PTK2B: variants seen among roughly 807,000 people sequenced by gnomAD.
The protein encoded by PTK2B is protein tyrosine kinase 2 beta, also known as protein-tyrosine kinase 2-beta.
PTK2B carries 71 observed loss-of-function variants against 142.9 expected under a neutral mutation model. The ratio of observed to expected loss-of-function variants is 0.50; its 90% CI spans 0.41 to 0.61. The LOEUF (loss-of-function observed/expected upper bound fraction) is 0.61, where lower values mean the gene tolerates loss of function less well. Among genes scored for constraint, PTK2B ranks in the 20% least tolerant of loss-of-function variants. The probability of loss-of-function intolerance (pLI) is 0.00; values close to 1 mark genes in which losing one functional copy is unlikely to be tolerated. For missense variants in PTK2B, 1,105 were observed against 1,320.4 expected (o/e 0.84, Z 2.53); for synonymous variants, 519 against 503.4 (o/e 1.03, Z -0.42).
At chr8:27,337,385 G>T (rs979748549) in intron 1 of PTK2B, among the ~76,000 whole-genome samples, 13 of 152,074 alleles carry the variant, frequency 8.5e-5, no homozygotes, top group Non-Finnish European at 1.5e-4. Flanking sequence ...ATCCACCCGC[G>T]TTGGCCTCCT....
At chr8:27,314,262 C>A (rs918795492) in intron 3 of PTK2B, among the ~76,000 whole-genome samples, 2 of 152,216 alleles carry the variant, frequency 1.3e-5, no homozygotes, top group Non-Finnish European at 2.9e-5. Context: ...TGAAGGCTCC[C>A]ATGTCACATA....
At chr8:27,356,488 A>C (rs1453954454) in intron 1 of PTK2B, among the ~76,000 whole-genome samples, 3 of 152,186 alleles carry the variant, frequency 2.0e-5, no homozygotes, top group African/African-American at 7.2e-5. Context: ...TGCAGTATAG[A>C]TCCTCACTGC....
rs749659594 is a variant in PTK2B, at chr8:27,431,311, G to A, written c.811-87G>A. On this transcript the variant is annotated intron_variant, in intron 8 of 30. Transcript: ENST00000346049. ...CTGGAGACCCAGGAAACAGTGGCTTGTGTCTAGCTTAGGGAGCTTTTCTTC... is the reference window on the plus strand; with the variant it reads ...CTGGAGACCCAGGAAACAGTGGCTTATGTCTAGCTTAGGGAGCTTTTCTTC... 8 of 1,592,094 alleles carry A rather than the reference G, an allele frequency of 5.0e-6. No homozygotes were observed. In the Admixed American group the frequency reaches 1.4e-4, roughly 29 times the overall value.
chr8:27,412,178 T>G (rs2131667803), intron 2 of PTK2B, among the ~76,000 whole-genome samples: 1 of 152,148 alleles, frequency 6.6e-6, no homozygotes, highest in African/African-American at 2.4e-5. Context: ...GATTGATTGA[T>G]TGATGGAATC....
upstream of PTK2B, chr8:27,322,319 A>G (rs1304910232): frequency 6.6e-6 from 1 of 152,208 alleles, no homozygotes; most frequent in Non-Finnish European, 1.5e-5. Flanking sequence ...CCTGCCAATG[A>G]TGGGTTTTGC....
At chr8:27,341,541 C>T (rs1278998612) in intron 1 of PTK2B, among the ~76,000 whole-genome samples, 1 of 152,130 alleles carries the variant, frequency 6.6e-6, no homozygotes, top group Non-Finnish European at 1.5e-5. Context: ...CAGGATGCGG[C>T]CACTTCAGTG....
chr8:27,458,376 C>G lies in PTK2B; in HGVS notation c.2897C>G (p.Thr966Ser), dbSNP rs745699871. 1.9e-6 allele frequency: 3 copies of G among 1,613,634 alleles called. No individual in the cohort carries two copies. The highest frequency in any genetic ancestry group is 2.5e-6 in the Non-Finnish European group (3 of 1,179,868). The change falls in exon 31 of 31, where the codon ACC becomes AGC. Residue 966 changes from threonine to serine, a missense_variant. Thr to Ser is a moderately conservative substitution (Grantham distance 58). Coordinates refer to ENST00000346049, the MANE Select transcript of PTK2B (RefSeq NM_173176.3). ...CGGCTGGCACAGCAGAACGCCGTGA[C>G]CTCCCTAAGTGAGGAGTGCAAGAGG... ...KMRLAQQNAVTSLSEECKRQM... is the reference protein window; with the variant it reads ...KMRLAQQNAVSSLSEECKRQM...
chr8:27,457,758 T>G (rs1332357082), intron 30 of PTK2B, among the ~76,000 whole-genome samples: 1 of 152,162 alleles, frequency 6.6e-6, no homozygotes, highest in Non-Finnish European at 1.5e-5. Flanking sequence ...GAGGATCACC[T>G]GAGGTCAGGA....
chr8:27,353,490 C>A (rs976443618), intron 1 of PTK2B, among the ~76,000 whole-genome samples: 6 of 152,346 alleles, frequency 3.9e-5, no homozygotes, highest in Middle Eastern at 3.4e-3. Context: ...TATGCCCTCA[C>A]ACGCTGATCT....
Position 27,458,762 on chromosome 8 carries a change from C to T in PTK2B, c.*253C>T. 1.8e-6 allele frequency: 1 copy of T among 555,396 alleles called. No individual in the cohort carries two copies. Among genetic ancestry groups the T allele is most frequent in the Non-Finnish European group, 3.2e-6 (1 of 308,250 alleles). 34.4% of individuals were successfully genotyped at this position (555,396 alleles called of 1,614,324 possible). ...ATGGCTCAGAGGGGGACTGCTGCTG[C>T]CTGGCCACTGCTCCCTAAGCCAGCC... On this transcript the variant is annotated 3_prime_UTR_variant, in exon 31 of 31. Transcript: ENST00000346049.
upstream of PTK2B, chr8:27,311,279 C>G (rs752453388): frequency 5.5e-6 from 8 of 1,450,610 alleles, no homozygotes; most frequent in Admixed American, 8.0e-5. Context: ...TTGCTCCGGC[C>G]CCTCCCACCC....
At position 27,434,711 on chromosome 8, in the gene PTK2B, G is replaced by A. The variant is rs976035560; in HGVS notation, c.1192+152G>A. The stretch of plus-strand genomic sequence containing the variant: ...TTCTCAGTGATGGCTTTAAAATATC[G>A]TGAATTATGGCTGGGTGCAGTGGCT... On this transcript the variant is annotated intron_variant, in intron 13 of 30. Coordinates refer to ENST00000346049, the MANE Select transcript of PTK2B (RefSeq NM_173176.3). 5.1e-5 allele frequency: 49 copies of A among 957,742 alleles called. 1 individual carries two copies. The South Asian group carries it at 5.2e-4, about 10-fold the overall frequency. The allele number at this position is 957,742 out of a possible 1,614,324, so 59.3% of individuals were successfully genotyped here. A position where few individuals can be genotyped will look rare whatever the true frequency, so the allele number is the denominator to read the frequency against.
At position 27,451,068 on chromosome 8, in the gene PTK2B, A is replaced by C. The variant is rs751019; in HGVS notation, c.2513A>C (p.Lys838Thr). The part of the protein sequence containing the change: ...SLDPMVYMND[K>T]SPLTPEKEVG... The stretch of plus-strand genomic sequence containing the variant: ...GACCCCATGGTTTATATGAATGATA[A>C]GTCCCCATTGGTGAGTTGCCAGGAG... The change falls in exon 26 of 31, where the codon AAG becomes ACG. Residue 838 changes from lysine (K) to threonine (T), a missense_variant. Transcript: ENST00000346049. 0.44 allele frequency: 716,246 copies of C among 1,611,214 alleles called. 161,888 individuals are homozygous for C. Among genetic ancestry groups the C allele is most frequent in the Middle Eastern group, 0.52 (3,156 of 6,060 alleles).
chr8:27,369,245 C>G (rs1188269999), intron 1 of PTK2B, among the ~76,000 whole-genome samples: 1 of 152,156 alleles, frequency 6.6e-6, no homozygotes, highest in Admixed American at 6.5e-5. Context: ...CTTCTACCCT[C>G]TTATAATCAC....
chr8:27,364,177 C>G (rs1235709272), intron 1 of PTK2B, among the ~76,000 whole-genome samples: 1 of 152,202 alleles, frequency 6.6e-6, no homozygotes, highest in African/African-American at 2.4e-5. Context: ...GTGGCTTGTG[C>G]TCAGCTTTGC....
At chr8:27,453,192 G>C (rs1369360105) in intron 28 of PTK2B, 32 bp downstream of exon 28, 1 of 1,613,210 alleles carries the variant, frequency 6.2e-7, no homozygotes, top group Admixed American at 1.7e-5. Context: ...ACTGATAAAT[G>C]AGAGTGGGGG....
chr8:27,376,237 T>C (rs1806662528), intron 1 of PTK2B, among the ~76,000 whole-genome samples: 1 of 152,188 alleles, frequency 6.6e-6, no homozygotes, highest in African/African-American at 2.4e-5. Flanking sequence ...GCAGGACCAA[T>C]AGGCTTGGCT....
chr8:27,331,527 C>T (rs1457931910), intron 1 of PTK2B, among the ~76,000 whole-genome samples: 3 of 152,220 alleles, frequency 2.0e-5, no homozygotes, highest in East Asian at 3.9e-4. Context: ...GCCAAGACTA[C>T]AGGCACATGC....
At chr8:27,453,266 G>C in intron 28 of PTK2B, 106 bp downstream of exon 28, 1 of 1,471,148 alleles carries the variant, frequency 6.8e-7, no homozygotes, top group Non-Finnish European at 9.5e-7. Context: ...ATCCAGTTCA[G>C]TGTCCTCATG....
Sources: allele counts gnomAD v4.1 joint callset (sites outside exome capture counted in the v4.1 genomes callset), GRCh38; gene constraint gnomAD v4.1.1; transcripts MANE v1.5; gene names NCBI Gene and HGNC (gene_info 2026-07-23, HGNC 2026-07-21).